Variants in CBLB observed in about 807,000 individuals in gnomAD.
The protein encoded by CBLB is E3 ubiquitin-protein ligase CBL-B.
A neutral mutation model predicts 104.9 loss-of-function variants in CBLB; 31 were observed. The ratio of observed to expected loss-of-function variants is 0.30; its 90% CI spans 0.22 to 0.40. The LOEUF (loss-of-function observed/expected upper bound fraction) is 0.40, where lower values mean the gene tolerates loss of function less well. CBLB is among the 10% of genes least tolerant of loss of function. The pLI is 1.00. For synonymous variants in CBLB, 440 were observed against 422.6 expected, an observed-to-expected ratio of 1.04 and a Z score of -0.51; for missense variants, 1,062 against 1,214.6, an observed-to-expected ratio of 0.87 and a Z score of 1.87.
intron 3 of CBLB, among the ~76,000 whole-genome samples, chr3:105,799,174 G>GAATAAAAAAAA (rs1471114207): frequency 7.1e-4 from 25 of 34,992 alleles, no homozygotes; most frequent in African/African-American, 9.1e-4. Flanking sequence ...TAATGACAAA[G>GAATAAAAAAAA]AACAAAAAAA....
chr3:105,762,140 G>A, intron 4 of CBLB: 1 of 152,204 alleles, frequency 6.6e-6, no homozygotes, highest in East Asian at 1.9e-4. Flanking sequence ...AAAGCATTAA[G>A]TTTTATTCAT....
chr3:105,682,002 A>G (rs2034157), intron 14 of CBLB, 184 bp from the exon 15 acceptor site: 340,595 of 578,468 alleles, frequency 0.59, 104,657 homozygotes, highest in Middle Eastern at 0.7. Flanking sequence ...GTAGAAGTAA[A>G]TATCTCAAGT....
chr3:105,676,145 A>G (rs2065618099), intron 17 of CBLB, among the ~76,000 whole-genome samples: 1 of 152,122 alleles, frequency 6.6e-6, no homozygotes, highest in Admixed American at 6.5e-5. Context: ...TAAGTTAAGG[A>G]TAAGTGTTGT....
intron 11 of CBLB, among the ~76,000 whole-genome samples, chr3:105,702,965 T>A (rs951837574): frequency 1.3e-5 from 2 of 152,198 alleles, no homozygotes; most frequent in Non-Finnish European, 2.9e-5. Flanking sequence ...GCAAATGTGC[T>A]CTGCTTCTTT....
chr3:105,867,878 T>TA (rs76716093), intron 1 of CBLB, among the ~76,000 whole-genome samples: 36,396 of 141,184 alleles, frequency 0.26, 4,770 homozygotes, highest in East Asian at 0.48. Context: ...ACTCAACTCA[T>TA]AAAAAAAAAA....
intron 17 of CBLB, chr3:105,671,602 T>C (rs772761611): frequency 1.3e-4 from 26 of 206,972 alleles, no homozygotes; most frequent in Non-Finnish European, 2.1e-4. Context: ...TCCACTCCCT[T>C]AGACATTAAT....
intron 3 of CBLB, among the ~76,000 whole-genome samples, chr3:105,832,951 T>G (rs2087797178): frequency 6.6e-6 from 1 of 152,150 alleles, no homozygotes; most frequent in South Asian, 2.1e-4. Context: ...AAGGCCTCTC[T>G]GAGGAAATGA....
At chr3:105,669,254 C>T (rs2064813150) in intron 18 of CBLB, among the ~76,000 whole-genome samples, 1 of 152,150 alleles carries the variant, frequency 6.6e-6, no homozygotes, top group Non-Finnish European at 1.5e-5. Context: ...GGAGGGGAGG[C>T]TTTTGGGAGA....
At chr3:105,852,258 T>C (rs886430738) in intron 3 of CBLB, among the ~76,000 whole-genome samples, 2 of 151,966 alleles carry the variant, frequency 1.3e-5, no homozygotes, top group Non-Finnish European at 2.9e-5. Flanking sequence ...AAGAAGCCAA[T>C]CTGAAAAAGT....
At chr3:105,843,118 T>C in intron 3 of CBLB, among the ~76,000 whole-genome samples, 1 of 152,244 alleles carries the variant, frequency 6.6e-6, no homozygotes, top group Non-Finnish European at 1.5e-5. Context: ...GCTGACTAAT[T>C]GCCAGAGACC....
intron 12 of CBLB, among the ~76,000 whole-genome samples, chr3:105,697,754 G>T (rs1428572053): frequency 6.6e-6 from 1 of 151,958 alleles, no homozygotes; most frequent in Non-Finnish European, 1.5e-5. Context: ...TCATCTTTAG[G>T]ACAATGTCAC....
chr3:105,773,879 T>C (rs939515941), intron 4 of CBLB, among the ~76,000 whole-genome samples: 1 of 152,250 alleles, frequency 6.6e-6, no homozygotes, highest in Non-Finnish European at 1.5e-5. Flanking sequence ...TTTGCCATGA[T>C]ACATGTGTTA....
intron 3 of CBLB, among the ~76,000 whole-genome samples, chr3:105,807,187 T>A (rs146702447): frequency 0.016 from 2,433 of 152,348 alleles, 27 homozygotes; most frequent in Middle Eastern, 0.027. Flanking sequence ...AAATGTCACC[T>A]AAATAAATTT....
chr3:105,702,576 G>A, intron 11 of CBLB, 117 bp from the exon 12 acceptor site: 1 of 1,055,392 alleles, frequency 9.5e-7, no homozygotes, highest in East Asian at 2.6e-5. Context: ...CAAACAAGGA[G>A]TTTTACTAGA....
intron 2 of CBLB, among the ~76,000 whole-genome samples, chr3:105,860,156 GTCTC>G (rs1218534999): frequency 2.0e-5 from 3 of 152,130 alleles, no homozygotes; most frequent in Non-Finnish European, 4.4e-5. Context: ...TTTCTCATTG[GTCTC>G]TCTCTATCAC....
intron 3 of CBLB, among the ~76,000 whole-genome samples, chr3:105,816,512 C>T (rs1024314931): frequency 6.6e-6 from 1 of 152,142 alleles, no homozygotes; most frequent in Non-Finnish European, 1.5e-5. Flanking sequence ...CTCATAAATA[C>T]TTCTCACTAA....
At chr3:105,744,773 T>C (rs1025849346) in intron 6 of CBLB, among the ~76,000 whole-genome samples, 3 of 151,730 alleles carry the variant, frequency 2.0e-5, no homozygotes, top group African/African-American at 7.3e-5. Flanking sequence ...CTACTAAAAA[T>C]ACAAAAAATA....
chr3:105,766,288 T>A (rs1203874749), intron 4 of CBLB, among the ~76,000 whole-genome samples: 1 of 152,208 alleles, frequency 6.6e-6, no homozygotes, highest in African/African-American at 2.4e-5. Flanking sequence ...GTGAAGATGC[T>A]GTGAACACTG....
chr3:105,735,419 A>C (rs1359793631), intron 8 of CBLB, among the ~76,000 whole-genome samples: 3 of 152,218 alleles, frequency 2.0e-5, no homozygotes, highest in Non-Finnish European at 4.4e-5. Flanking sequence ...GTCCAAAGGA[A>C]AAATATGCAA....
Sources: gnomAD v4.1 joint callset for allele counts (sites outside exome capture counted in the v4.1 genomes callset) on GRCh38, gnomAD v4.1.1 for gene constraint, MANE v1.5 for transcripts, NCBI Gene and HGNC (gene_info 2026-07-23, HGNC 2026-07-21) for gene names.